Variants in ROBO2 observed in about 807,000 individuals in gnomAD.
The protein encoded by ROBO2 is roundabout homolog 2.
A neutral mutation model predicts 160.8 loss-of-function variants in ROBO2; 53 were observed. That is an observed-to-expected ratio of 0.33 (90% confidence interval 0.26 to 0.41). The LOEUF (loss-of-function observed/expected upper bound fraction) is 0.41. ROBO2 is among the 10% of genes least tolerant of loss of function. The probability of loss-of-function intolerance (pLI) is 1.00; values close to 1 mark genes in which losing one functional copy is unlikely to be tolerated. For missense variants in ROBO2, 1,577 were observed against 1,722.4 expected, an observed-to-expected ratio of 0.92 and a Z score of 1.49; for synonymous variants, 664 against 611.7, an observed-to-expected ratio of 1.09 and a Z score of -1.26.
At chr3:76,688,308 G>A (rs12494050) in intron 2 of ROBO2, among the ~76,000 whole-genome samples, 77,599 of 151,622 alleles carry the variant, frequency 0.51, 20,286 homozygotes, top group East Asian at 0.77. Context: ...AATTTATTAC[G>A]AATACAAACA....
At chr3:77,117,008 G>T (rs1447174852) in intron 2 of ROBO2, among the ~76,000 whole-genome samples, 2 of 152,118 alleles carry the variant, frequency 1.3e-5, no homozygotes, top group East Asian at 1.9e-4. Flanking sequence ...GAAAGATTTT[G>T]TTCAGATTTA....
At chr3:77,493,459 A>T in intron 5 of ROBO2, 77 bp downstream of exon 5, 1 of 1,442,252 alleles carries the variant, frequency 6.9e-7, no homozygotes, top group Admixed American at 1.7e-5. Context: ...CTACAATGCC[A>T]CCACCAAACA....
chr3:76,018,289 T>C (rs2066462351), intron 2 of ROBO2, among the ~76,000 whole-genome samples: 1 of 152,024 alleles, frequency 6.6e-6, no homozygotes, highest in Non-Finnish European at 1.5e-5. Context: ...ATAGAAAAAA[T>C]ATAACAATCA....
intron 2 of ROBO2, among the ~76,000 whole-genome samples, chr3:76,620,420 C>CA (rs937996593): frequency 2.0e-5 from 3 of 151,282 alleles, no homozygotes; most frequent in South Asian, 2.1e-4. Context: ...TATCGTGGAG[C>CA]AAAAAAAATG....
chr3:76,508,212 C>G (rs1209910131), intron 2 of ROBO2, among the ~76,000 whole-genome samples: 1 of 152,058 alleles, frequency 6.6e-6, no homozygotes, highest in Non-Finnish European at 1.5e-5. Flanking sequence ...AACATGCTGT[C>G]CCTAAAATGA....
chr3:76,392,518 T>C (rs935447225), intron 2 of ROBO2, among the ~76,000 whole-genome samples: 14 of 152,184 alleles, frequency 9.2e-5, no homozygotes, highest in African/African-American at 3.4e-4. Context: ...ATGGGAATCA[T>C]GACTGAGTAG....
intron 2 of ROBO2, among the ~76,000 whole-genome samples, chr3:76,121,122 G>T (rs1167036351): frequency 6.6e-6 from 1 of 152,070 alleles, no homozygotes; most frequent in Non-Finnish European, 1.5e-5. Context: ...GTCTCTAAAA[G>T]AGGAAAATGG....
At chr3:76,221,385 C>G (rs1211855866) in intron 2 of ROBO2, among the ~76,000 whole-genome samples, 1 of 149,446 alleles carries the variant, frequency 6.7e-6, no homozygotes, top group Admixed American at 6.7e-5. Context: ...AAGTGGGTAA[C>G]TCAGGGTGAT....
At chr3:76,925,228 A>AATAAAT (rs1553693999) in intron 2 of ROBO2, among the ~76,000 whole-genome samples, 1 of 147,478 alleles carries the variant, frequency 6.8e-6, no homozygotes, top group African/African-American at 2.5e-5. Flanking sequence ...AAAAAAAAAA[A>AATAAAT]AAATCTGGTT....
chr3:76,709,608 G>A (rs2093246081), intron 2 of ROBO2, among the ~76,000 whole-genome samples: 1 of 152,072 alleles, frequency 6.6e-6, no homozygotes, highest in African/African-American at 2.4e-5. Context: ...ATAGAAAAGG[G>A]GTGAGTGGTT....
intron 2 of ROBO2, among the ~76,000 whole-genome samples, chr3:76,168,611 T>G (rs1412599311): frequency 6.6e-6 from 1 of 152,142 alleles, no homozygotes; most frequent in Non-Finnish European, 1.5e-5. Flanking sequence ...CCTCATAAAA[T>G]GGACCTGTAT....
chr3:76,234,958 A>C lies in ROBO2; in HGVS notation c.109+297356A>C, dbSNP rs550514324. Among the ~76,000 whole-genome samples, 695 of 152,228 alleles carry C rather than the reference A, an allele frequency of 4.6e-3. 13 individuals are homozygous for C. The East Asian group carries it at 0.065, about 14-fold the overall frequency. On this transcript the variant is annotated intron_variant, in intron 2 of 26. Transcript: ENST00000487694. ...CTTGTAGCTGATTTAGATGGTTTAG[A>C]AGATAAAAATTTGGACTTTGAGCTG...
chr3:77,480,401 T>C (rs969251011), intron 3 of ROBO2, among the ~76,000 whole-genome samples: 1 of 152,126 alleles, frequency 6.6e-6, no homozygotes, highest in African/African-American at 2.4e-5. Flanking sequence ...TTTAATATTA[T>C]TGCATTTGTT....
chr3:77,147,829 G>T (rs1037075774), intron 2 of ROBO2, among the ~76,000 whole-genome samples: 4 of 152,116 alleles, frequency 2.6e-5, no homozygotes, highest in African/African-American at 9.7e-5. Flanking sequence ...AAAGATGAAA[G>T]AAATCAGGGA....
intron 2 of ROBO2, among the ~76,000 whole-genome samples, chr3:76,417,496 T>C (rs2075802753): frequency 6.6e-6 from 1 of 152,200 alleles, no homozygotes; most frequent in Non-Finnish European, 1.5e-5. Context: ...TTTATTCTGG[T>C]CCATTATGCT....
chr3:76,990,680 G>C (rs764868910), intron 2 of ROBO2, among the ~76,000 whole-genome samples: 1 of 152,054 alleles, frequency 6.6e-6, no homozygotes, highest in East Asian at 1.9e-4. Context: ...TGCAGCCAGC[G>C]CTAGGGAAAG....
chr3:76,383,097 G>A (rs1194075548), intron 2 of ROBO2, among the ~76,000 whole-genome samples: 1 of 152,180 alleles, frequency 6.6e-6, no homozygotes, highest in Non-Finnish European at 1.5e-5. Flanking sequence ...GATGTGGGAA[G>A]CATGCGATGG....
intron 2 of ROBO2, among the ~76,000 whole-genome samples, chr3:76,754,544 G>A (rs2060859678): frequency 6.6e-6 from 1 of 151,880 alleles, no homozygotes; most frequent in African/African-American, 2.4e-5. Context: ...CTTATGATGT[G>A]TAAGTATCAT....
chr3:76,709,150 A>C (rs2093235204), intron 2 of ROBO2, among the ~76,000 whole-genome samples: 1 of 152,218 alleles, frequency 6.6e-6, no homozygotes, highest in African/African-American at 2.4e-5. Flanking sequence ...GGTTGGCATT[A>C]AACAGTCATT....
Sources: allele counts gnomAD v4.1 joint callset (sites outside exome capture counted in the v4.1 genomes callset), GRCh38; gene constraint gnomAD v4.1.1; transcripts MANE v1.5; gene names NCBI Gene and HGNC (gene_info 2026-07-23, HGNC 2026-07-21).